DLG2: variants seen among roughly 807,000 people sequenced by gnomAD.
The protein encoded by DLG2 is discs large MAGUK scaffold protein 2.
Under a neutral mutation model 132.5 loss-of-function variants are expected in DLG2, and 45 were observed. The observed-to-expected ratio is 0.34, with a 90% confidence interval of 0.27 to 0.44. The LOEUF is 0.44. Among genes scored for constraint, DLG2 ranks in the 20% least tolerant of loss-of-function variants. The pLI is 1.00. For missense variants in DLG2, 1,045 were observed against 1,196.9 expected, an observed-to-expected ratio of 0.87 and a Z score of 1.87; for synonymous variants, 424 against 419.6, an observed-to-expected ratio of 1.01 and a Z score of -0.13.
At chr11:84,293,257 G>A (rs769663727) in intron 7 of DLG2, among the ~76,000 whole-genome samples, 1 of 152,022 alleles carries the variant, frequency 6.6e-6, no homozygotes, top group South Asian at 2.1e-4. Flanking sequence ...AGTTCTAATA[G>A]TCCAGGCAAG....
At chr11:85,241,238 T>C (rs542999308) in intron 4 of DLG2, among the ~76,000 whole-genome samples, 2 of 151,966 alleles carry the variant, frequency 1.3e-5, no homozygotes, top group East Asian at 1.9e-4. Flanking sequence ...TCTTTGATGA[T>C]TTTATATCCA....
intron 18 of DLG2, among the ~76,000 whole-genome samples, chr11:83,727,193 A>C (rs780880909): frequency 7.2e-5 from 11 of 152,158 alleles, no homozygotes; most frequent in Non-Finnish European, 1.5e-4. Flanking sequence ...TATTCAACAC[A>C]ATCAACAGTC....
intron 5 of DLG2, among the ~76,000 whole-genome samples, chr11:85,141,999 G>A (rs1041910539): frequency 6.6e-6 from 1 of 151,834 alleles, no homozygotes; most frequent in African/African-American, 2.4e-5. Flanking sequence ...AATTCCTCCA[G>A]CTTTGTTCTT....
chr11:83,594,433 G>A (rs961216084), intron 19 of DLG2, among the ~76,000 whole-genome samples: 1 of 152,178 alleles, frequency 6.6e-6, no homozygotes, highest in African/African-American at 2.4e-5. Context: ...ACAGTCTTGA[G>A]TAATTTTATA....
At chr11:84,764,233 C>A (rs2068064595) in intron 6 of DLG2, among the ~76,000 whole-genome samples, 1 of 152,092 alleles carries the variant, frequency 6.6e-6, no homozygotes, top group Non-Finnish European at 1.5e-5. Context: ...GGCAGGTGGC[C>A]AAATGTCCCA....
At chr11:85,317,779 G>C (rs2080788154) in intron 3 of DLG2, among the ~76,000 whole-genome samples, 2 of 151,980 alleles carry the variant, frequency 1.3e-5, no homozygotes, top group Admixed American at 1.3e-4. Context: ...TAGGAGGAGG[G>C]AAAGGATGGA....
chr11:83,958,845 A>T (rs889774382), intron 14 of DLG2, among the ~76,000 whole-genome samples: 2 of 152,148 alleles, frequency 1.3e-5, no homozygotes, highest in East Asian at 3.8e-4. Flanking sequence ...GTGCACATAT[A>T]CATGGGCTCT....
intron 6 of DLG2, among the ~76,000 whole-genome samples, chr11:84,561,530 A>T (rs2099428772): frequency 6.6e-6 from 1 of 152,084 alleles, no homozygotes; most frequent in African/African-American, 2.4e-5. Flanking sequence ...TGACTTGCCC[A>T]CCAGACAGTC....
chr11:85,169,395 T>C (rs543237618), intron 4 of DLG2, among the ~76,000 whole-genome samples: 155 of 152,214 alleles, frequency 1.0e-3, no homozygotes, highest in African/African-American at 3.6e-3. Context: ...TGAAAAACGG[T>C]ACGTAAATGT....
intron 3 of DLG2, among the ~76,000 whole-genome samples, chr11:85,294,140 T>G (rs2079079536): frequency 6.6e-6 from 1 of 151,986 alleles, no homozygotes; most frequent in Admixed American, 6.6e-5. Context: ...TGTATAGAGA[T>G]ACAGAGATAT....
At chr11:83,544,469 G>T (rs1452489468) in intron 19 of DLG2, among the ~76,000 whole-genome samples, 1 of 152,090 alleles carries the variant, frequency 6.6e-6, no homozygotes, top group Admixed American at 6.5e-5. Flanking sequence ...AAAGATGAGG[G>T]ACAGATCTAG....
At chr11:85,591,541 C>T (rs1379603285) in intron 3 of DLG2, among the ~76,000 whole-genome samples, 1 of 152,122 alleles carries the variant, frequency 6.6e-6, no homozygotes, top group African/African-American at 2.4e-5. Context: ...GAGTTCAAGA[C>T]CAGCCTGGTC....
At chr11:84,821,644 ACAACAAC>A (rs753305902) in intron 6 of DLG2, among the ~76,000 whole-genome samples, 1 of 124,650 alleles carries the variant, frequency 8.0e-6, no homozygotes. Context: ...AAAAAAAACA[ACAACAAC>A]AAAAAAAACA....
At chr11:84,755,526 A>G (rs1361144721) in intron 6 of DLG2, among the ~76,000 whole-genome samples, 2 of 152,084 alleles carry the variant, frequency 1.3e-5, no homozygotes, top group African/African-American at 2.4e-5. Context: ...CGGGTTCAAG[A>G]CATTCTCCTG....
intron 17 of DLG2, chr11:83,790,873 C>T (rs2041352988): frequency 2.7e-6 from 2 of 747,582 alleles, no homozygotes; most frequent in Admixed American, 4.1e-5. Flanking sequence ...CTACTTGATC[C>T]TTCCAAAGGA....
intron 6 of DLG2, among the ~76,000 whole-genome samples, chr11:84,912,319 C>A (rs1399545378): frequency 2.6e-5 from 4 of 152,164 alleles, no homozygotes; most frequent in Non-Finnish European, 5.9e-5. Context: ...CCACGCCCGG[C>A]TACTTTTTTG....
rs78539445 is a variant in DLG2, at chr11:85,016,083, T to C, written c.357+95578A>G. Among the ~76,000 whole-genome samples, 483 of 152,254 alleles carry C rather than the reference T, an allele frequency of 3.2e-3. 1 individual carries two copies. Among genetic ancestry groups the C allele is most frequent in the African/African-American group, 0.011 (462 of 41,556 alleles). ...AAAAAACTATAGGTAAAAACGTCAT[T>C]GTCAAATCCCCATGTTGCTCCTACT... On this transcript the variant is annotated intron_variant, in intron 6 of 27. Transcript: ENST00000376104.
intron 8 of DLG2, among the ~76,000 whole-genome samples, chr11:84,238,627 G>A: frequency 6.7e-6 from 1 of 149,114 alleles, no homozygotes; most frequent in South Asian, 2.1e-4. Context: ...CCAGAAATAT[G>A]TTTTAGTATT....
intron 22 of DLG2, among the ~76,000 whole-genome samples, chr11:83,474,375 T>C (rs371369907): frequency 5.3e-4 from 81 of 152,294 alleles, no homozygotes; most frequent in African/African-American, 1.9e-3. Flanking sequence ...TTAGTATTAC[T>C]TCATCAGGAA....
Sources: allele counts gnomAD v4.1 joint callset (sites outside exome capture counted in the v4.1 genomes callset), GRCh38; gene constraint gnomAD v4.1.1; transcripts MANE v1.5; gene names NCBI Gene and HGNC (gene_info 2026-07-23, HGNC 2026-07-21).